Variants in GPHN observed in about 807,000 individuals in gnomAD.
The protein encoded by GPHN is gephyrin.
A neutral mutation model predicts 95.5 loss-of-function variants in GPHN; 17 were observed. The ratio of observed to expected loss-of-function variants is 0.18; its 90% CI spans 0.12 to 0.27. GPHN has a LOEUF of 0.27. GPHN is among the 10% of genes least tolerant of loss of function. The pLI is 1.00. For missense variants in GPHN, 660 were observed against 978.1 expected, an observed-to-expected ratio of 0.67 and a Z score of 4.34; for synonymous variants, 320 against 322.5, an observed-to-expected ratio of 0.99 and a Z score of 0.08.
chr14:66,864,659 G>C (rs977616958), intron 4 of GPHN, among the ~76,000 whole-genome samples: 6 of 152,120 alleles, frequency 3.9e-5, no homozygotes, highest in African/African-American at 1.4e-4. Flanking sequence ...TGGAATCCCA[G>C]TTACTCGGGA....
chr14:67,187,037 G>T, the GPHN span, among the ~76,000 whole-genome samples: 2 of 152,138 alleles, frequency 1.3e-5, no homozygotes, highest in African/African-American at 4.8e-5. Flanking sequence ...GCAGAAATAT[G>T]ATGAGGGAGT....
At chr14:67,700,608 G>T in the GPHN span, among the ~76,000 whole-genome samples, 1 of 151,764 alleles carries the variant, frequency 6.6e-6, no homozygotes, top group African/African-American at 2.4e-5. Context: ...CCAGCTACTC[G>T]GGAGGCTGAG....
chr14:67,488,265 T>C, the GPHN span, among the ~76,000 whole-genome samples: 1 of 152,240 alleles, frequency 6.6e-6, no homozygotes. Flanking sequence ...AGAGGCCGCT[T>C]GGGCCCTTGC....
At chr14:66,733,049 A>G (rs959557195) in intron 2 of GPHN, among the ~76,000 whole-genome samples, 3 of 152,162 alleles carry the variant, frequency 2.0e-5, no homozygotes, top group African/African-American at 4.8e-5. Flanking sequence ...TGTGATCCCC[A>G]TGAGTCAAGG....
At chr14:67,430,685 C>T in the GPHN span, among the ~76,000 whole-genome samples, 7 of 151,996 alleles carry the variant, frequency 4.6e-5, no homozygotes, top group Non-Finnish European at 7.4e-5. Flanking sequence ...AGTGAGTGAC[C>T]GGTGCAATAT....
the GPHN span, among the ~76,000 whole-genome samples, chr14:67,536,222 G>A: frequency 6.6e-6 from 1 of 151,794 alleles, no homozygotes. Flanking sequence ...GCACCCAGCA[G>A]TGGCCAAATG....
chr14:67,616,907 C>T, the GPHN span: 1 of 151,954 alleles, frequency 6.6e-6, no homozygotes, highest in Admixed American at 6.6e-5. Flanking sequence ...GGGGTCCTCA[C>T]TCTGTCACCC....
the GPHN span, among the ~76,000 whole-genome samples, chr14:67,389,055 A>G: frequency 6.6e-6 from 1 of 151,772 alleles, no homozygotes; most frequent in African/African-American, 2.4e-5. Context: ...GTGCCTAGCA[A>G]GAAACTTCGT....
At chr14:67,160,388 A>G (rs550298205) in intron 19 of GPHN, among the ~76,000 whole-genome samples, 2 of 151,992 alleles carry the variant, frequency 1.3e-5, no homozygotes, top group East Asian at 1.9e-4. Flanking sequence ...ACTGTTTCCT[A>G]CTGGCCCCTA....
the GPHN span, among the ~76,000 whole-genome samples, chr14:67,462,363 T>A: frequency 6.6e-6 from 1 of 152,174 alleles, no homozygotes; most frequent in Non-Finnish European, 1.5e-5. Context: ...CTTTTAAATT[T>A]TTAGAGAGCC....
intron 8 of GPHN, among the ~76,000 whole-genome samples, chr14:66,951,920 A>G (rs2068134808): frequency 6.6e-6 from 1 of 152,090 alleles, no homozygotes. Context: ...CAGGTGTATT[A>G]GAGATCCAAA....
chr14:67,671,933 G>A, the GPHN span, among the ~76,000 whole-genome samples: 1 of 152,196 alleles, frequency 6.6e-6, no homozygotes, highest in South Asian at 2.1e-4. Context: ...ATTTCTTATG[G>A]GTCCCACCTC....
the GPHN span, among the ~76,000 whole-genome samples, chr14:67,376,173 A>G: frequency 6.6e-6 from 1 of 152,088 alleles, no homozygotes; most frequent in Non-Finnish European, 1.5e-5. Context: ...ACTCTGTAGT[A>G]AGGAGAGATG....
chr14:67,029,092 T>A (rs1166277757), intron 10 of GPHN, among the ~76,000 whole-genome samples: 37 of 152,202 alleles, frequency 2.4e-4, no homozygotes, highest in Admixed American at 2.4e-3. Context: ...GGCTATCCAG[T>A]TTTCCCAGCA....
chr14:67,547,547 C>T, the GPHN span, among the ~76,000 whole-genome samples: 4 of 152,146 alleles, frequency 2.6e-5, no homozygotes, highest in African/African-American at 9.7e-5. Flanking sequence ...TCTGGCCAGC[C>T]CTCCCACCCA....
At chr14:67,624,226 T>C in the GPHN span, among the ~76,000 whole-genome samples, 1 of 152,172 alleles carries the variant, frequency 6.6e-6, no homozygotes, top group Non-Finnish European at 1.5e-5. Context: ...TTGTACTCTT[T>C]TCTCCAGTTT....
chr14:66,718,123 A>G (rs917392527), intron 2 of GPHN, among the ~76,000 whole-genome samples: 1 of 151,926 alleles, frequency 6.6e-6, no homozygotes, highest in Non-Finnish European at 1.5e-5. Context: ...GTGTGTCCGG[A>G]ATTGGTTCCT....
chr14:67,480,557 AG>A, the GPHN span, among the ~76,000 whole-genome samples: 5 of 152,278 alleles, frequency 3.3e-5, no homozygotes, highest in Admixed American at 6.5e-5. Context: ...TCCAGGCTCC[AG>A]GGGAACACAC....
At chr14:67,033,494 G>A (rs542528788) in intron 10 of GPHN, among the ~76,000 whole-genome samples, 1 of 152,048 alleles carries the variant, frequency 6.6e-6, no homozygotes, top group Admixed American at 6.5e-5. Context: ...AACCCAGGAG[G>A]TGGAAGTTTC....
Sources: allele counts gnomAD v4.1 joint callset (sites outside exome capture counted in the v4.1 genomes callset), GRCh38; gene constraint gnomAD v4.1.1; transcripts MANE v1.5; gene names NCBI Gene and HGNC (gene_info 2026-07-23, HGNC 2026-07-21).